Variants in TBX10 observed in about 807,000 individuals in gnomAD.
The protein encoded by TBX10 is T-box transcription factor TBX10.
Under a neutral mutation model 32.4 loss-of-function variants are expected in TBX10, and 26 were observed. That is an observed-to-expected ratio of 0.80 (90% CI 0.59 to 1.11). The LOEUF is 1.11. Ranked by LOEUF, TBX10 falls within the 50% of genes most tolerant of loss-of-function variation. TBX10 has a pLI of 0.00. For synonymous variants in TBX10, 195 were observed against 203.1 expected, an observed-to-expected ratio of 0.96 and a Z score of 0.34; for missense variants, 490 against 494.5, an observed-to-expected ratio of 0.99 and a Z score of 0.09.
At position 67,634,979 on chromosome 11, in the gene TBX10, G is replaced by A. The variant is rs1390290257; in HGVS notation, c.275+17C>T. ...CCAACCCTGGCCCCTGCCTCACCCC[G>A]CCCCCGCTGCTCACACCTGCCTGCC... On this transcript the variant is annotated intron_variant, in intron 2 of 7. Coordinates refer to ENST00000335385, the MANE Select transcript of TBX10 (RefSeq NM_005995.5). 6 of 1,613,160 alleles carry A rather than the reference G, an allele frequency of 3.7e-6. No homozygotes were observed. Among genetic ancestry groups the A allele is most frequent in the South Asian group, 1.1e-5 (1 of 91,090 alleles).
Position 67,631,559 on chromosome 11 carries a change from G to A in TBX10, c.*46C>T, listed in dbSNP as rs775680202. On this transcript the variant is annotated 3_prime_UTR_variant, in exon 8 of 8. Coordinates refer to ENST00000335385, the MANE Select transcript of TBX10 (RefSeq NM_005995.5). Reference sequence around the variant, plus strand: ...GGGGCAGAGGCTGATTCCCACACCCGGTGTAAGGTCCAGGGTAGCAGGGCT... The same window carrying A: ...GGGGCAGAGGCTGATTCCCACACCCAGTGTAAGGTCCAGGGTAGCAGGGCT... 1.3e-6 allele frequency: 2 copies of A among 1,558,926 alleles called. No homozygotes were observed. The highest frequency in any genetic ancestry group is 2.3e-5 in the East Asian group (1 of 43,388).
upstream of TBX10, among the ~76,000 whole-genome samples, chr11:67,640,307 C>T (rs1855388236): frequency 6.6e-6 from 1 of 152,246 alleles, no homozygotes; most frequent in African/African-American, 2.4e-5. Flanking sequence ...GCCTCAGCCT[C>T]CCCAGTTAAC....
chr11:67,633,134 G>A (rs1226845457), intron 4 of TBX10, 31 bp from the exon 5 acceptor site: 2 of 1,606,724 alleles, frequency 1.2e-6, no homozygotes, highest in Non-Finnish European at 1.7e-6. Flanking sequence ...GGGTACAGGG[G>A]TGAGGCGGAG....
intron 1 of TBX10, among the ~76,000 whole-genome samples, chr11:67,637,132 C>T (rs1855342765): frequency 6.6e-6 from 1 of 152,126 alleles, no homozygotes; most frequent in African/African-American, 2.4e-5. Context: ...CGTGGTGAGG[C>T]CAAATCATAG....
Position 67,631,786 on chromosome 11 carries a change from G to C in TBX10, c.977C>G (p.Thr326Arg), listed in dbSNP as rs531906539. 6.3e-7 allele frequency: 1 copy of C among 1,599,844 alleles called. No homozygotes were observed. Among genetic ancestry groups the C allele is most frequent in the East Asian group, 2.2e-5 (1 of 44,448 alleles). The change falls in exon 8 of 8, where the codon ACG becomes AGG. Residue 326 changes from threonine to arginine, a missense_variant. By Grantham distance (71) the Thr-to-Arg change is moderately conservative. Transcript: ENST00000335385. ...LLAPATYRPV[T>R]YQSLYSGAPS... ...GGCTCCAGAGTACAGGCTCTGATAC[G>C]TGACAGGCCTGTAGGTGGCCGGGGC...
chr11:67,634,136 C>A, intron 4 of TBX10, 53 bp downstream of exon 4: 1 of 1,604,374 alleles, frequency 6.2e-7, no homozygotes, highest in East Asian at 2.2e-5. Flanking sequence ...CACCAAAGTC[C>A]CTACCAGCCC....
chr11:67,631,446 C>G lies in TBX10; in HGVS notation c.*159G>C, dbSNP rs1457746728. 12 of 928,856 alleles carry G rather than the reference C, an allele frequency of 1.3e-5. No homozygotes were observed. The highest frequency in any genetic ancestry group is 6.6e-5 in the African/African-American group (4 of 60,806). 57.5% of individuals were successfully genotyped at this position (928,856 alleles called of 1,614,324 possible). On this transcript the variant is annotated 3_prime_UTR_variant, in exon 8 of 8. Transcript: ENST00000335385. ...GGTTCCAAGCTTGCCATGGTCCCAG[C>G]CTTGCTGTGACCCTGGGCAGGTAGC...
At chr11:67,639,888 C>G (rs1456117011), upstream of TBX10, among the ~76,000 whole-genome samples, 2 of 152,190 alleles carry the variant, frequency 1.3e-5, no homozygotes, top group Admixed American at 1.3e-4. Context: ...CCAGCCATTC[C>G]TGATCGATGG....
At chr11:67,634,434 G>A in intron 3 of TBX10, 74 bp from the exon 4 acceptor site, 1 of 1,553,106 alleles carries the variant, frequency 6.4e-7, no homozygotes, top group South Asian at 1.1e-5. Context: ...GGGGTGAAGG[G>A]GCTGCTGCCG....
At position 67,635,158 on chromosome 11, in the gene TBX10, C is replaced by T; in HGVS notation, c.113G>A (p.Gly38Asp). The change falls in exon 2 of 8, where the codon GGC becomes GAC. Residue 38 changes from glycine (G) to aspartate (D), a missense_variant. This residue lies in a region of TBX10 where 307 missense variants were observed against 294.9 expected (regional missense o/e 1.04). Coordinates refer to ENST00000335385, the MANE Select transcript of TBX10 (RefSeq NM_005995.5). ...GGCCCCAGTAGAGCTGGTGCAAGGGCCTGATGGGAATGGTGACCCCAGCCG... is the reference window on the plus strand; with the variant it reads ...GGCCCCAGTAGAGCTGGTGCAAGGGTCTGATGGGAATGGTGACCCCAGCCG... ...EPRLGSPFPS[G>D]PCTSSTGAQA... 1.2e-6 allele frequency: 2 copies of T among 1,613,822 alleles called. No homozygotes were observed. Among genetic ancestry groups the T allele is most frequent in the Non-Finnish European group, 1.7e-6 (2 of 1,180,022 alleles).
rs763551553 is a variant in TBX10, at chr11:67,632,985, G to T, written c.668C>A (p.Thr223Asn). 1.2e-6 allele frequency: 2 copies of T among 1,614,234 alleles called. No homozygotes were observed. The highest frequency in any genetic ancestry group is 2.2e-5 in the South Asian group (2 of 91,090). The change falls in exon 5 of 8, where the codon ACC becomes AAC. Residue 223 changes from threonine (T) to asparagine (N), a missense_variant. Coordinates refer to ENST00000335385, the MANE Select transcript of TBX10 (RefSeq NM_005995.5). ...ATAGGCTGTCACTGCTGTGAACTGG[G>T]TCTCTGTGAAGATGAAGGACTTGAA... Reference protein sequence around the residue: ...ENFKSFIFTETQFTAVTAYQN... With the variant: ...ENFKSFIFTENQFTAVTAYQN...
At chr11:67,638,540 G>A (rs930985605) in intron 1 of TBX10, among the ~76,000 whole-genome samples, 3 of 152,186 alleles carry the variant, frequency 2.0e-5, no homozygotes, top group Non-Finnish European at 2.9e-5. Flanking sequence ...GCAGACAGGC[G>A]GGTGACGGAG....
In TBX10 at chr11:67,631,571, A is replaced by G. The variant is rs938902213; in HGVS notation, c.*34T>C. On this transcript the variant is annotated 3_prime_UTR_variant, in exon 8 of 8. Transcript: ENST00000335385. ...GATTCCCACACCCGGTGTAAGGTCC[A>G]GGGTAGCAGGGCTTCCCCCCAGGGC... is the stretch of plus-strand genomic sequence containing the variant. The G allele has an allele frequency of 1.3e-6, 2 of 1,571,924 alleles. No homozygotes were observed. The highest frequency in any genetic ancestry group is 1.2e-5 in the South Asian group (1 of 86,694).
At chr11:67,637,725 A>T (rs775397380) in intron 1 of TBX10, among the ~76,000 whole-genome samples, 1 of 151,128 alleles carries the variant, frequency 6.6e-6, no homozygotes, top group Non-Finnish European at 1.5e-5. Context: ...AACATAAAAT[A>T]TATTGATTTT....
chr11:67,639,424 G>T (rs1387122811), intron 1 of TBX10, 42 bp downstream of exon 1: 9 of 869,310 alleles, frequency 1.0e-5, no homozygotes, highest in Non-Finnish European at 1.6e-5. Flanking sequence ...TGGAACCTGA[G>T]CCTGACCCAT....
Position 67,631,879 on chromosome 11 carries a change from G to A in TBX10, c.884C>T (p.Ser295Leu). 6.4e-7 allele frequency: 1 copy of A among 1,571,584 alleles called. No homozygotes were observed. Among genetic ancestry groups the A allele is most frequent in the Non-Finnish European group, 8.6e-7 (1 of 1,157,870 alleles). Residue 295 changes from serine to leucine, a missense_variant, in exon 8 of 8, where the codon TCA (serine) becomes TTA (leucine). Ser to Leu is a moderately radical substitution (Grantham distance 145). Coordinates refer to ENST00000335385, the MANE Select transcript of TBX10 (RefSeq NM_005995.5). ...AGCAGGGGTCTTGGAGGTGGAAGCT[G>A]AAGCTTTGTTGGGGTCTGAGGGAGG... ...TDREKDPNKA[S>L]ASTSKTPAWL...
chr11:67,634,139 A>T, intron 4 of TBX10, 50 bp downstream of exon 4: 1 of 1,605,188 alleles, frequency 6.2e-7, no homozygotes. Context: ...CAAAGTCCCT[A>T]CCAGCCCTGA....
At position 67,631,473 on chromosome 11, in the gene TBX10, T is replaced by C; in HGVS notation, c.*132A>G. 8.1e-7 allele frequency: 1 copy of C among 1,242,230 alleles called. No homozygotes were observed. The highest frequency in any genetic ancestry group is 1.1e-6 in the Non-Finnish European group (1 of 892,322). The allele number at this position is 1,242,230 out of a possible 1,614,324, so 77.0% of individuals were successfully genotyped here. On this transcript the variant is annotated 3_prime_UTR_variant, in exon 8 of 8. Coordinates refer to ENST00000335385, the MANE Select transcript of TBX10 (RefSeq NM_005995.5). ...TTGCTGTGACCCTGGGCAGGTAGCC[T>C]CTTTCTCTAGACTTTCACCTACCCT...
chr11:67,637,945 T>A (rs1044860561), intron 1 of TBX10, among the ~76,000 whole-genome samples: 4 of 152,210 alleles, frequency 2.6e-5, no homozygotes, highest in Non-Finnish European at 4.4e-5. Context: ...CGGTGGCTCA[T>A]GCCTGTAATC....
Sources: gnomAD v4.1 joint callset for allele counts (sites outside exome capture counted in the v4.1 genomes callset) on GRCh38, gnomAD v4.1.1 for gene constraint, gnomAD v4.1.1 regional missense constraint, MANE v1.5 for transcripts, NCBI Gene and HGNC (gene_info 2026-07-23, HGNC 2026-07-21) for gene names.